Variants in ASTN2 observed in about 807,000 individuals in gnomAD.
ASTN2 encodes the protein astrotactin 2.
Under a neutral mutation model 139.8 loss-of-function variants are expected in ASTN2, and 54 were observed. The observed-to-expected ratio is 0.39, with a 90% CI of 0.31 to 0.48. ASTN2 has a LOEUF of 0.48. ASTN2 is among the 20% of genes least tolerant of loss of function. ASTN2 has a pLI of 0.95. For synonymous variants in ASTN2, 756 were observed against 719.5 expected (o/e 1.05, Z -0.81); for missense variants, 1,565 against 1,725.1 (o/e 0.91, Z 1.64).
Position 116,614,588 on chromosome 9 carries a change from T to C in ASTN2, c.3355+3736A>G, listed in dbSNP as rs1456145842. ...ATACCACACATCTATAACCATCTGATCTTTGACAAATCTGACAAAAACAAG... is the reference window on the plus strand; with the variant it reads ...ATACCACACATCTATAACCATCTGACCTTTGACAAATCTGACAAAAACAAG... On this transcript the variant is annotated intron_variant, in intron 19 of 22. Coordinates refer to ENST00000313400, the MANE Select transcript of ASTN2 (RefSeq NM_001365068.1). Among the ~76,000 whole-genome samples the C allele has an allele frequency of 2.0e-5, 3 of 152,170 alleles. No homozygotes were observed. In the East Asian group the frequency reaches 5.8e-4, roughly 29 times the overall value.
At chr9:116,491,417 G>T (rs1385858084) in intron 19 of ASTN2, among the ~76,000 whole-genome samples, 2 of 152,076 alleles carry the variant, frequency 1.3e-5, no homozygotes, top group Non-Finnish European at 2.9e-5. Context: ...GCCTCCTAGA[G>T]AAAGTTTGAA....
chr9:116,610,704 TA>T (rs1855491938), intron 19 of ASTN2, among the ~76,000 whole-genome samples: 3 of 152,130 alleles, frequency 2.0e-5, no homozygotes, highest in Non-Finnish European at 4.4e-5. Flanking sequence ...GAACAGAATG[TA>T]ACAGAAATAT....
intron 13 of ASTN2, among the ~76,000 whole-genome samples, chr9:116,742,195 C>T (rs1287146176): frequency 6.6e-6 from 1 of 152,226 alleles, no homozygotes; most frequent in Non-Finnish European, 1.5e-5. Context: ...TGCAGTGTTT[C>T]AAGCTGGACA....
intron 13 of ASTN2, among the ~76,000 whole-genome samples, chr9:116,766,497 A>G (rs900894829): frequency 2.6e-5 from 4 of 151,840 alleles, no homozygotes; most frequent in Admixed American, 2.0e-4. Flanking sequence ...AAGCACACAC[A>G]TTCACAGTAA....
At chr9:116,986,524 T>C (rs1836687958) in intron 7 of ASTN2, among the ~76,000 whole-genome samples, 1 of 152,220 alleles carries the variant, frequency 6.6e-6, no homozygotes, top group African/African-American at 2.4e-5. Flanking sequence ...TGCTGAGCTC[T>C]GCCCAGGATG....
At chr9:116,881,455 T>C (rs1030802445) in intron 10 of ASTN2, among the ~76,000 whole-genome samples, 1 of 152,260 alleles carries the variant, frequency 6.6e-6, no homozygotes, top group Non-Finnish European at 1.5e-5. Context: ...GTGTGACCTC[T>C]TGAAGGTCAC....
intron 10 of ASTN2, among the ~76,000 whole-genome samples, chr9:116,868,678 C>A (rs10983385): frequency 6.6e-6 from 1 of 152,060 alleles, no homozygotes; most frequent in Non-Finnish European, 1.5e-5. Flanking sequence ...TTTATTCTCT[C>A]GCCATTCTGA....
chr9:116,488,231 T>A (rs1239077820), intron 19 of ASTN2, among the ~76,000 whole-genome samples: 1 of 152,162 alleles, frequency 6.6e-6, no homozygotes, highest in Non-Finnish European at 1.5e-5. Context: ...GTAGTGGAAG[T>A]TTACTAGAAA....
At chr9:117,348,882 CAAAAAAA>C (rs58386335) in intron 1 of ASTN2, among the ~76,000 whole-genome samples, 1 of 130,410 alleles carries the variant, frequency 7.7e-6, no homozygotes, top group Non-Finnish European at 1.6e-5. Context: ...TGTCTCTGTC[CAAAAAAA>C]AAAAAAAAAA....
chr9:116,900,403 ATCT>A (rs751986151), intron 10 of ASTN2, among the ~76,000 whole-genome samples: 1 of 152,012 alleles, frequency 6.6e-6, no homozygotes, highest in Non-Finnish European at 1.5e-5. Context: ...ATGCTTTTTG[ATCT>A]TCTCCCCCCT....
At chr9:117,075,952 C>T (rs1828270093) in intron 5 of ASTN2, among the ~76,000 whole-genome samples, 1 of 152,140 alleles carries the variant, frequency 6.6e-6, no homozygotes, top group Non-Finnish European at 1.5e-5. Flanking sequence ...CTGAAGAGAC[C>T]TTCAGCAGGC....
At chr9:117,186,501 C>T (rs1054891335) in intron 3 of ASTN2, among the ~76,000 whole-genome samples, 1 of 151,972 alleles carries the variant, frequency 6.6e-6, no homozygotes, top group African/African-American at 2.4e-5. Flanking sequence ...GAGCCGAAAT[C>T]ACGCCACTGC....
intron 17 of ASTN2, among the ~76,000 whole-genome samples, chr9:116,624,579 T>G (rs1476488196): frequency 6.6e-6 from 1 of 151,768 alleles, no homozygotes; most frequent in African/African-American, 2.4e-5. Flanking sequence ...CACCCTCTAC[T>G]TAAGATATTT....
Position 116,699,179 on chromosome 9 carries a change from A to T in ASTN2, c.2806+26592T>A, listed in dbSNP as rs1861046990. 6.2e-7 allele frequency: 1 copy of T among 1,614,084 alleles called. No individual in the cohort carries two copies. The highest frequency in any genetic ancestry group is 1.7e-5 in the Admixed American group (1 of 60,012). On this transcript the variant is annotated intron_variant, in intron 16 of 22. Transcript: ENST00000313400. The surrounding 1 kb of genome is among the most constrained non-coding windows in gnomAD (Gnocchi z 4.2). Reference sequence around the variant, plus strand: ...AACCATGGGGTATCACAGCCTTGCCATCTGGCCAGTTTGTAGTAACCGATG... The same window carrying T: ...AACCATGGGGTATCACAGCCTTGCCTTCTGGCCAGTTTGTAGTAACCGATG...
intron 1 of ASTN2, among the ~76,000 whole-genome samples, chr9:117,296,700 G>A (rs539477743): frequency 6.6e-6 from 1 of 152,350 alleles, no homozygotes; most frequent in East Asian, 1.9e-4. Context: ...TAAAGTGGGA[G>A]AATTGGTGCA....
chr9:116,425,275 T>C lies in ASTN2; in HGVS notation c.*576A>G. On this transcript the variant is annotated 3_prime_UTR_variant, in exon 23 of 23. Transcript: ENST00000313400. ...TGCATGGACAGGCCTGCAGGGACTC[T>C]GGGCAGACCCACAGGTAGCAGGAAG... 1 of 437,216 alleles carries C rather than the reference T, an allele frequency of 2.3e-6. No individual in the cohort carries two copies. The highest frequency in any genetic ancestry group is 4.1e-6 in the Non-Finnish European group (1 of 243,968). The allele number at this position is 437,216 out of a possible 1,614,324, so 27.1% of individuals were successfully genotyped here.
At chr9:116,819,651 A>G (rs147924548) in intron 12 of ASTN2, among the ~76,000 whole-genome samples, 1 of 152,352 alleles carries the variant, frequency 6.6e-6, no homozygotes, top group Non-Finnish European at 1.5e-5. Context: ...CTGCTTTTCT[A>G]TCTTAGTAAA....
At chr9:116,998,521 T>C (rs1001735761) in intron 7 of ASTN2, among the ~76,000 whole-genome samples, 1 of 146,498 alleles carries the variant, frequency 6.8e-6, no homozygotes, top group South Asian at 2.2e-4. Context: ...GAACAAGCCT[T>C]GACACTTTAG....
At chr9:116,867,135 G>C (rs117670979) in intron 10 of ASTN2, among the ~76,000 whole-genome samples, 3,690 of 151,928 alleles carry the variant, frequency 0.024, 64 homozygotes, top group Non-Finnish European at 0.037. Context: ...GGAGAGAAAG[G>C]ATGTGAAAAG....
Sources: gnomAD v4.1 joint callset for allele counts (sites outside exome capture counted in the v4.1 genomes callset) on GRCh38, gnomAD v4.1.1 for gene constraint, Gnocchi (gnomAD v3.1) non-coding constraint, MANE v1.5 for transcripts, NCBI Gene and HGNC (gene_info 2026-07-23, HGNC 2026-07-21) for gene names.